Variants in ADARB1 observed in about 807,000 individuals in gnomAD.
The protein encoded by ADARB1 is double-stranded RNA-specific editase 1.
A neutral mutation model predicts 52.4 loss-of-function variants in ADARB1; 10 were observed. That is an observed-to-expected ratio of 0.19 (90% CI 0.12 to 0.32). The LOEUF (loss-of-function observed/expected upper bound fraction) is 0.32, where lower values mean the gene tolerates loss of function less well. ADARB1 is among the 10% of genes least tolerant of loss of function. The pLI, the probability that ADARB1 is intolerant of heterozygous loss-of-function variation, is 1.00. For missense variants in ADARB1, 643 were observed against 922.3 expected (o/e 0.70, Z 3.92); for synonymous variants, 349 against 371.1 (o/e 0.94, Z 0.68).
At position 45,225,024 on chromosome 21, in the gene ADARB1, T is replaced by C. The variant is rs913991060; in HGVS notation, c.*2827T>C. On this transcript the variant is annotated 3_prime_UTR_variant, in exon 11 of 11. Coordinates refer to ENST00000348831, the MANE Select transcript of ADARB1 (RefSeq NM_001112.4). ...GAACTTGATTTTTTAAGAAAAAATA[T>C]TACATTTTGAGGACATTTTGACAAG... is the stretch of plus-strand genomic sequence containing the variant. 3 of 985,456 alleles carry C rather than the reference T, an allele frequency of 3.0e-6. No homozygotes were observed. The highest frequency in any genetic ancestry group is 3.5e-5 in the African/African-American group (2 of 57,156). 61.0% of individuals were successfully genotyped at this position (985,456 alleles called of 1,614,324 possible). A position where few individuals can be genotyped will look rare whatever the true frequency, so the allele number is the denominator to read the frequency against.
intron 1 of ADARB1, among the ~76,000 whole-genome samples, chr21:45,075,769 T>A (rs2085907840): frequency 2.0e-5 from 3 of 152,232 alleles, no homozygotes; most frequent in African/African-American, 7.2e-5. Context: ...ACCGTGGTGT[T>A]TAGTTCCCAG....
Position 45,204,475 on chromosome 21 carries a change from T to C in ADARB1, c.1566-80T>C. On this transcript the variant is annotated intron_variant, in intron 8 of 10. Transcript: ENST00000348831. The surrounding 1 kb of genome is among the most constrained non-coding windows in gnomAD (Gnocchi z 4.4). ...TCCTGCGGAATTGCCAGTGCATCCCTGTAACCACGCAGGCTTGGGCTGGGC... is the reference window on the plus strand; with the variant it reads ...TCCTGCGGAATTGCCAGTGCATCCCCGTAACCACGCAGGCTTGGGCTGGGC... 1 of 1,449,894 alleles carries C rather than the reference T, an allele frequency of 6.9e-7. No homozygotes were observed. 89.8% of individuals were successfully genotyped at this position (1,449,894 alleles called of 1,614,324 possible).
chr21:45,139,587 C>T lies in ADARB1; in HGVS notation c.-48+11014C>T, dbSNP rs142293786. Among the ~76,000 whole-genome samples, 333 of 152,324 alleles carry T rather than the reference C, an allele frequency of 2.2e-3. 2 individuals carry two copies. Among genetic ancestry groups the T allele is most frequent in the African/African-American group, 7.6e-3 (317 of 41,562 alleles). Reference sequence around the variant, plus strand: ...GTGTCTCAACTCCCATGCTCAGCTTCCTCCTCTGTCACGTGGGGCAGGGAA... The same window carrying T: ...GTGTCTCAACTCCCATGCTCAGCTTTCTCCTCTGTCACGTGGGGCAGGGAA... On this transcript the variant is annotated intron_variant, in intron 2 of 10. Coordinates refer to ENST00000348831, the MANE Select transcript of ADARB1 (RefSeq NM_001112.4).
At chr21:45,136,523 C>T (rs999312322) in intron 2 of ADARB1, among the ~76,000 whole-genome samples, 4 of 152,226 alleles carry the variant, frequency 2.6e-5, no homozygotes, top group African/African-American at 4.8e-5. Context: ...CCTGTAGCAG[C>T]GCTCAAGAGA....
intron 1 of ADARB1, among the ~76,000 whole-genome samples, chr21:45,099,536 C>T (rs1433968411): frequency 6.6e-6 from 1 of 151,854 alleles, no homozygotes; most frequent in African/African-American, 2.4e-5. Flanking sequence ...GGTGTGGTGG[C>T]GCACACCTGT....
chr21:45,102,964 A>G (rs1363901535), intron 1 of ADARB1, among the ~76,000 whole-genome samples: 1 of 152,228 alleles, frequency 6.6e-6, no homozygotes, highest in Non-Finnish European at 1.5e-5. Context: ...TCACGGTGAC[A>G]GGGTGTGCCT....
chr21:45,168,302 G>A lies in ADARB1; in HGVS notation c.-47-3308G>A, dbSNP rs150009947. The stretch of plus-strand genomic sequence containing the variant: ...GTTTTTTCATCTTTTTAACAGGGAC[G>A]TTTGCAGAGAAAAAGTTTTTAACTT... On this transcript the variant is annotated intron_variant, in intron 2 of 10. Coordinates refer to ENST00000348831, the MANE Select transcript of ADARB1 (RefSeq NM_001112.4). Among the ~76,000 whole-genome samples, 11 of 152,048 alleles carry A rather than the reference G, an allele frequency of 7.2e-5. No individual in the cohort carries two copies. The East Asian group carries it at 1.2e-3, about 16-fold the overall frequency.
chr21:45,086,021 G>GT (rs1429899169), intron 1 of ADARB1, among the ~76,000 whole-genome samples: 2 of 152,204 alleles, frequency 1.3e-5, no homozygotes, highest in Non-Finnish European at 2.9e-5. Flanking sequence ...GAAAAGGAAG[G>GT]TTTTTTCCTT....
chr21:45,207,099 G>A (rs1399860636), intron 9 of ADARB1, among the ~76,000 whole-genome samples: 1 of 152,104 alleles, frequency 6.6e-6, no homozygotes, highest in Non-Finnish European at 1.5e-5. Flanking sequence ...AATCCTTCTG[G>A]ACAAATGTGC....
intron 2 of ADARB1, among the ~76,000 whole-genome samples, chr21:45,153,501 A>G (rs1461672820): frequency 6.6e-6 from 1 of 152,168 alleles, no homozygotes; most frequent in East Asian, 1.9e-4. Flanking sequence ...ACAGGACTGG[A>G]GTACAGCGCT....
intron 1 of ADARB1, among the ~76,000 whole-genome samples, chr21:45,078,489 G>T (rs1253008219): frequency 6.6e-6 from 1 of 152,212 alleles, no homozygotes; most frequent in Admixed American, 6.5e-5. Context: ...CAGGGTAGGT[G>T]AGAGAAGGTC....
chr21:45,211,070 A>G (rs1039291760), intron 9 of ADARB1, among the ~76,000 whole-genome samples: 2 of 152,222 alleles, frequency 1.3e-5, no homozygotes, highest in Non-Finnish European at 2.9e-5. Context: ...GGCTGGGGTT[A>G]GTGGACAACC....
Position 45,200,383 on chromosome 21 carries a change from G to A in ADARB1, c.1566-4172G>A, listed in dbSNP as rs1035790320. 6.6e-6 allele frequency among the ~76,000 whole-genome samples: 1 copy of A among 152,180 alleles called. No individual in the cohort carries two copies. Among genetic ancestry groups the A allele is most frequent in the Non-Finnish European group, 1.5e-5 (1 of 68,038 alleles). ...GCCACCCCACGGTGATTATGTTGGC[G>A]CGGGAGCCGTGGGAAGGAACGAGAG... On this transcript the variant is annotated intron_variant, in intron 8 of 10. Coordinates refer to ENST00000348831, the MANE Select transcript of ADARB1 (RefSeq NM_001112.4). The surrounding 1 kb of genome is among the most constrained non-coding windows in gnomAD (Gnocchi z 5.0).
chr21:45,182,576 T>A lies in ADARB1; in HGVS notation c.1079-9T>A, dbSNP rs371761022. 5.1e-6 allele frequency: 8 copies of A among 1,582,050 alleles called. No individual in the cohort carries two copies. The highest frequency in any genetic ancestry group is 6.8e-6 in the Non-Finnish European group (8 of 1,171,722). ...TACAGAAAATAGTGTCTCTTTTTTT[T>A]TTTTTCAGGCACAGATGTTAAAGAT... On this transcript the variant is annotated splice_polypyrimidine_tract_variant and intron_variant, in intron 5 of 10. Coordinates refer to ENST00000348831, the MANE Select transcript of ADARB1 (RefSeq NM_001112.4).
intron 1 of ADARB1, among the ~76,000 whole-genome samples, chr21:45,116,755 C>T (rs1158118113): frequency 6.6e-6 from 1 of 152,180 alleles, no homozygotes; most frequent in Non-Finnish European, 1.5e-5. Context: ...AACTCACTCA[C>T]TATCACGAAA....
At chr21:45,155,828 A>G (rs2090544117) in intron 2 of ADARB1, among the ~76,000 whole-genome samples, 1 of 113,650 alleles carries the variant, frequency 8.8e-6, no homozygotes, top group African/African-American at 3.5e-5. Context: ...TCCATCATCC[A>G]TCCATCCATC....
chr21:45,134,948 G>C (rs2089280344), intron 2 of ADARB1: 2 of 406,458 alleles, frequency 4.9e-6, no homozygotes, highest in Admixed American at 3.0e-5. Flanking sequence ...AGATGCCCAG[G>C]TGGGTCTCCT....
intron 2 of ADARB1, among the ~76,000 whole-genome samples, chr21:45,152,131 T>C (rs1435994358): frequency 1.3e-5 from 2 of 152,230 alleles, no homozygotes; most frequent in African/African-American, 4.8e-5. Flanking sequence ...GCTGTTTTCA[T>C]CAGCTGGCGT....
At chr21:45,090,218 T>C (rs1457980465) in intron 1 of ADARB1, among the ~76,000 whole-genome samples, 1 of 152,238 alleles carries the variant, frequency 6.6e-6, no homozygotes, top group Non-Finnish European at 1.5e-5. Context: ...ATTTCATTAA[T>C]AGATTTCCTG....
Sources: allele counts gnomAD v4.1 joint callset (sites outside exome capture counted in the v4.1 genomes callset), GRCh38; gene constraint gnomAD v4.1.1; non-coding constraint Gnocchi (gnomAD v3.1); transcripts MANE v1.5; gene names NCBI Gene and HGNC (gene_info 2026-07-23, HGNC 2026-07-21).